RAPGEF6: variants seen among roughly 807,000 people sequenced by gnomAD.
The protein encoded by RAPGEF6 is Rap guanine nucleotide exchange factor 6.
A neutral mutation model predicts 171.4 loss-of-function variants in RAPGEF6; 56 were observed. That is an observed-to-expected ratio of 0.33 (90% CI 0.26 to 0.41). The LOEUF is 0.41. Among genes scored for constraint, RAPGEF6 ranks in the 10% least tolerant of loss-of-function variants. RAPGEF6 has a pLI of 1.00. For missense variants in RAPGEF6, 1,674 were observed against 1,921.4 expected (o/e 0.87, Z 2.41); for synonymous variants, 692 against 650.1 (o/e 1.06, Z -0.98).
At chr5:131,542,776 TAAGTA>T (rs1174008593) in intron 6 of RAPGEF6, among the ~76,000 whole-genome samples, 2 of 152,164 alleles carry the variant, frequency 1.3e-5, no homozygotes, top group African/African-American at 2.4e-5. Context: ...AAGTACATCT[TAAGTA>T]AAAGGAATTG....
intron 4 of RAPGEF6, among the ~76,000 whole-genome samples, chr5:131,590,502 T>C (rs1375016463): frequency 2.0e-5 from 3 of 152,210 alleles, no homozygotes; most frequent in African/African-American, 7.2e-5. Flanking sequence ...GCTTAATATA[T>C]GCTAAGCATT....
In RAPGEF6 at chr5:131,464,149, T is replaced by C; in HGVS notation, c.2372A>G (p.Asp791Gly). 1 of 1,614,028 alleles carries C rather than the reference T, an allele frequency of 6.2e-7. No individual in the cohort carries two copies. ...VHEFGLTGAS[D>G]TYSLCEVSVT... ...AGAAACTTCACAGAGAGAATATGTG[T>C]CGGATGCACCGGTCAAACCAAATTC... Residue 791 changes from aspartate (D) to glycine (G), a missense_variant, in exon 18 of 28, where the codon GAC becomes GGC. Asp to Gly is a moderately conservative substitution (Grantham distance 94). This residue lies in a region of RAPGEF6 where 1,116 missense variants were observed against 1,321.5 expected (regional missense o/e 0.84). Coordinates refer to ENST00000509018, the MANE Select transcript of RAPGEF6 (RefSeq NM_016340.6).
At chr5:131,544,621 C>T (rs372107021) in intron 6 of RAPGEF6, among the ~76,000 whole-genome samples, 4 of 152,094 alleles carry the variant, frequency 2.6e-5, no homozygotes, top group East Asian at 3.8e-4. Flanking sequence ...ATCTTGAATA[C>T]GGTGATGGTT....
intron 17 of RAPGEF6, 194 bp from the exon 18 acceptor site, chr5:131,464,475 T>C (rs1239103607): frequency 3.8e-6 from 2 of 521,090 alleles, no homozygotes; most frequent in South Asian, 2.3e-5. Context: ...AAATCATTGA[T>C]AGAAAAACCC....
In RAPGEF6 at chr5:131,610,776, A is replaced by C. The variant is rs371487375; in HGVS notation, c.70-6083T>G. Among the ~76,000 whole-genome samples, 22 of 152,238 alleles carry C rather than the reference A, an allele frequency of 1.4e-4. No individual in the cohort carries two copies. In the East Asian group the frequency reaches 1.7e-3, roughly 12 times the overall value. On this transcript the variant is annotated intron_variant, in intron 1 of 27. Coordinates refer to ENST00000509018, the MANE Select transcript of RAPGEF6 (RefSeq NM_016340.6). The stretch of plus-strand genomic sequence containing the variant: ...TGTCTAAGTTTCTTCTCAGGAAAAG[A>C]AGCTCATTGAGAGCCATGGAGGAGC...
chr5:131,618,680 TA>T (rs1460127262), intron 1 of RAPGEF6, among the ~76,000 whole-genome samples: 1 of 152,186 alleles, frequency 6.6e-6, no homozygotes, highest in Non-Finnish European at 1.5e-5. Context: ...AACAGCAAAG[TA>T]ATAGTTAATT....
In RAPGEF6 at chr5:131,575,661, C is replaced by T. The variant is rs188064518; in HGVS notation, c.282-13614G>A. ...GGAAACCTGACTGACCCCACAGACC[C>T]TAAGTCCTTTCCCCATTCTTCTTTT... On this transcript the variant is annotated intron_variant, in intron 4 of 27. Coordinates refer to ENST00000509018, the MANE Select transcript of RAPGEF6 (RefSeq NM_016340.6). Among the ~76,000 whole-genome samples the T allele has an allele frequency of 5.9e-5, 9 of 152,312 alleles. No homozygotes were observed. In the South Asian group the frequency reaches 1.9e-3, roughly 32 times the overall value.
intron 1 of RAPGEF6, among the ~76,000 whole-genome samples, chr5:131,633,257 C>T (rs1454905971): frequency 2.6e-5 from 4 of 151,918 alleles, no homozygotes; most frequent in Non-Finnish European, 4.4e-5. Flanking sequence ...TGAACCGGGA[C>T]CCAGGAGGCG....
At chr5:131,479,443 C>T (rs1755322400) in intron 16 of RAPGEF6, 70 bp downstream of exon 16, 2 of 1,553,724 alleles carry the variant, frequency 1.3e-6, no homozygotes, top group African/African-American at 1.4e-5. Context: ...CCCAAGCCTC[C>T]CCCCACCCCA....
At chr5:131,467,456 T>C (rs1203749186) in intron 17 of RAPGEF6, among the ~76,000 whole-genome samples, 1 of 152,238 alleles carries the variant, frequency 6.6e-6, no homozygotes, top group Non-Finnish European at 1.5e-5. Context: ...TGCGTTAATA[T>C]TAATGACAGT....
chr5:131,483,488 G>C (rs1755641751), intron 15 of RAPGEF6, among the ~76,000 whole-genome samples: 2 of 151,414 alleles, frequency 1.3e-5, no homozygotes, highest in South Asian at 4.2e-4. Context: ...AAAAATGAAA[G>C]GATAGTGAGT....
intron 4 of RAPGEF6, among the ~76,000 whole-genome samples, chr5:131,592,045 G>A (rs941273901): frequency 6.6e-6 from 1 of 151,978 alleles, no homozygotes; most frequent in Non-Finnish European, 1.5e-5. Context: ...TAATAGAGAC[G>A]GGGTTTCTCC....
rs184841801 is a variant in RAPGEF6, at chr5:131,624,951, C to T, written c.69+10011G>A. On this transcript the variant is annotated intron_variant, in intron 1 of 27. Coordinates refer to ENST00000509018, the MANE Select transcript of RAPGEF6 (RefSeq NM_016340.6). ...CAGCCTGACCAACAAGGAGAAACCC[C>T]GTCTCTACTAAAAATACAAAAAGTA... Among the ~76,000 whole-genome samples, 597 of 150,582 alleles carry T rather than the reference C, an allele frequency of 4.0e-3. 7 individuals carry two copies. Among genetic ancestry groups the T allele is most frequent in the African/African-American group, 0.014 (584 of 40,942 alleles).
chr5:131,529,459 G>C (rs1385503442), intron 6 of RAPGEF6, among the ~76,000 whole-genome samples: 1 of 135,904 alleles, frequency 7.4e-6, no homozygotes, highest in East Asian at 2.0e-4. Flanking sequence ...CTGGGCGACA[G>C]AGCGAGACTC....
chr5:131,467,840 T>C (rs1012812133), intron 17 of RAPGEF6, among the ~76,000 whole-genome samples: 1 of 152,070 alleles, frequency 6.6e-6, no homozygotes, highest in African/African-American at 2.4e-5. Context: ...AAAACCAGCC[T>C]GGGGAACATG....
intron 4 of RAPGEF6, among the ~76,000 whole-genome samples, chr5:131,568,684 G>A (rs181655629): frequency 6.6e-6 from 1 of 152,106 alleles, no homozygotes; most frequent in Non-Finnish European, 1.5e-5. Flanking sequence ...AACAAGCAAA[G>A]GTGGTCCACT....
intron 6 of RAPGEF6, among the ~76,000 whole-genome samples, chr5:131,534,861 T>C (rs1474962270): frequency 5.9e-5 from 9 of 152,088 alleles, no homozygotes; most frequent in African/African-American, 2.2e-4. Context: ...AGTAATTATA[T>C]TCATGTATAG....
chr5:131,514,804 G>A (rs7704655), intron 7 of RAPGEF6, among the ~76,000 whole-genome samples: 9,881 of 152,112 alleles, frequency 0.065, 758 homozygotes, highest in African/African-American at 0.19. Flanking sequence ...AAGACACTCC[G>A]TATTCGTGAA....
rs1371614340 is a variant in RAPGEF6, at chr5:131,602,011, G to A, written c.197+1260C>T. Among the ~76,000 whole-genome samples, 5 of 150,504 alleles carry A rather than the reference G, an allele frequency of 3.3e-5. No individual in the cohort carries two copies. In the East Asian group the frequency reaches 9.8e-4, roughly 29 times the overall value. On this transcript the variant is annotated intron_variant, in intron 3 of 27. Transcript: ENST00000509018. ...GATTGTGCCAGTGTACTCCAGCCTGGGCGACAGAGCGAGACTCCGTCTCAA... is the reference window on the plus strand; with the variant it reads ...GATTGTGCCAGTGTACTCCAGCCTGAGCGACAGAGCGAGACTCCGTCTCAA...
Sources: gnomAD v4.1 joint callset for allele counts (sites outside exome capture counted in the v4.1 genomes callset) on GRCh38, gnomAD v4.1.1 for gene constraint, gnomAD v4.1.1 regional missense constraint, MANE v1.5 for transcripts, NCBI Gene and HGNC (gene_info 2026-07-23, HGNC 2026-07-21) for gene names.